The following RBFOX1 variants were observed in gnomAD, a reference collection of about 807,000 sequenced individuals.
The protein encoded by RBFOX1 is RNA binding protein fox-1 homolog 1.
Under a neutral mutation model 57.7 loss-of-function variants are expected in RBFOX1, and 8 were observed. That is an observed-to-expected ratio of 0.14 (90% confidence interval 0.08 to 0.25). The LOEUF is 0.25. RBFOX1 is among the 10% of genes least tolerant of loss of function. The probability of loss-of-function intolerance (pLI) is 1.00; values close to 1 mark genes in which losing one functional copy is unlikely to be tolerated. For synonymous variants in RBFOX1, 326 were observed against 222.4 expected, an observed-to-expected ratio of 1.47 and a Z score of -4.15; for missense variants, 611 against 548.5, an observed-to-expected ratio of 1.11 and a Z score of -1.14.
At chr16:5,958,695 G>C (rs2059693678) in intron 4 of RBFOX1, among the ~76,000 whole-genome samples, 1 of 152,196 alleles carries the variant, frequency 6.6e-6, no homozygotes, top group South Asian at 2.1e-4. Flanking sequence ...TCTAAATGCA[G>C]ACCTGTGGGG....
At chr16:6,001,365 A>G (rs965358787) in intron 4 of RBFOX1, among the ~76,000 whole-genome samples, 1 of 152,180 alleles carries the variant, frequency 6.6e-6, no homozygotes, top group African/African-American at 2.4e-5. Flanking sequence ...CAGTAAAGAA[A>G]CCACCAATGG....
At chr16:6,428,108 C>T (rs141710083) in intron 2 of RBFOX1, among the ~76,000 whole-genome samples, 5,583 of 151,800 alleles carry the variant, frequency 0.037, 363 homozygotes, top group African/African-American at 0.13. Flanking sequence ...CATAGTGAGA[C>T]CCCATCCCTA....
chr16:7,080,617 G>C (rs571483871), intron 4 of RBFOX1, among the ~76,000 whole-genome samples: 2 of 152,230 alleles, frequency 1.3e-5, no homozygotes, highest in East Asian at 3.9e-4. Flanking sequence ...CATGGTCCAT[G>C]TTCTCTTGGG....
intron 2 of RBFOX1, among the ~76,000 whole-genome samples, chr16:5,524,836 C>T (rs928094087): frequency 1.3e-5 from 2 of 152,108 alleles, no homozygotes; most frequent in Admixed American, 6.6e-5. Flanking sequence ...ACACCGCACC[C>T]GGCCCCTATT....
chr16:5,847,371 TG>T lies in RBFOX1; in HGVS notation c.319-19924del, dbSNP rs368600933. On this transcript the variant is annotated intron_variant, in intron 3 of 19. Transcript: ENST00000641259. ...CCTTATCTGAAAAAAAAAATGGGGG[TG>T]GGGGGGGAATCTTAAAATAGATCCT... Among the ~76,000 whole-genome samples, 191 of 128,838 alleles carry T rather than the reference TG, an allele frequency of 1.5e-3. 1 individual carries two copies. The highest frequency in any genetic ancestry group is 4.5e-3 in the Middle Eastern group (1 of 224). The allele number at this position is 128,838 out of a possible 152,430, so 84.5% of individuals were successfully genotyped here.
At chr16:6,793,524 T>G (rs2083364341) in intron 3 of RBFOX1, among the ~76,000 whole-genome samples, 1 of 152,158 alleles carries the variant, frequency 6.6e-6, no homozygotes, top group South Asian at 2.1e-4. Flanking sequence ...TTCCAAACAT[T>G]TCTAGGTCTT....
In RBFOX1 at chr16:6,317,007, A is replaced by G; in HGVS notation, c.-114A>G. The G allele has an allele frequency of 6.5e-7, 1 of 1,535,620 alleles. No homozygotes were observed. The highest frequency in any genetic ancestry group is 8.7e-7 in the Non-Finnish European group (1 of 1,146,520). On this transcript the variant is annotated 5_prime_UTR_variant, in exon 2 of 16. Transcript: ENST00000550418. ...TTTTCTTCTTTAGGAAACTGGTCAA[A>G]GAACTCATGCAAGTGGAACTTACAG...
At chr16:6,410,783 C>T (rs2093434911) in intron 2 of RBFOX1, among the ~76,000 whole-genome samples, 1 of 152,180 alleles carries the variant, frequency 6.6e-6, no homozygotes, top group Non-Finnish European at 1.5e-5. Flanking sequence ...GTGGAACATG[C>T]TGTGTAGGCT....
rs115365968 is a variant in RBFOX1, at chr16:7,325,770, A to G, written c.28-192377A>G. ...TTGTGACTTGGGTGTCACATTGACA[A>G]CCCTTTTGTAGCCATCCTCTCCTTC... On this transcript the variant is annotated intron_variant, in intron 4 of 15. Coordinates refer to ENST00000550418, the MANE Select transcript of RBFOX1 (RefSeq NM_018723.4). Among the ~76,000 whole-genome samples the G allele has an allele frequency of 6.5e-3, 986 of 152,106 alleles. 10 individuals carry two copies. In the Middle Eastern group the frequency reaches 0.071, roughly 11 times the overall value.
intron 1 of RBFOX1, among the ~76,000 whole-genome samples, chr16:6,286,824 A>G (rs1287035055): frequency 6.6e-6 from 1 of 152,124 alleles, no homozygotes; most frequent in Non-Finnish European, 1.5e-5. Flanking sequence ...ATCCTAAATA[A>G]TATTATTTAT....
intron 3 of RBFOX1, among the ~76,000 whole-genome samples, chr16:6,969,049 G>T (rs534208205): frequency 6.6e-6 from 1 of 152,060 alleles, no homozygotes; most frequent in Non-Finnish European, 1.5e-5. Context: ...AGTTAATACA[G>T]TTCCCATCCG....
chr16:5,744,395 G>C (rs887173868), intron 3 of RBFOX1, among the ~76,000 whole-genome samples: 1 of 152,154 alleles, frequency 6.6e-6, no homozygotes, highest in African/African-American at 2.4e-5. Context: ...CAGGGACAAA[G>C]TAACTTTAGA....
At chr16:5,866,195 C>G (rs2151895059) in intron 3 of RBFOX1, among the ~76,000 whole-genome samples, 1 of 152,274 alleles carries the variant, frequency 6.6e-6, no homozygotes, top group Non-Finnish European at 1.5e-5. Context: ...TCTCGAACTC[C>G]TGACCTCACA....
At chr16:6,707,399 G>A (rs924304187) in intron 3 of RBFOX1, among the ~76,000 whole-genome samples, 4 of 150,602 alleles carry the variant, frequency 2.7e-5, no homozygotes, top group African/African-American at 4.9e-5. Flanking sequence ...GAAATCATAC[G>A]TTAACAGCTC....
At chr16:6,304,743 G>C (rs1456412445) in intron 1 of RBFOX1, among the ~76,000 whole-genome samples, 1 of 151,882 alleles carries the variant, frequency 6.6e-6, no homozygotes, top group Non-Finnish European at 1.5e-5. Context: ...AAACTAGCCA[G>C]GTGCGGTGGT....
At chr16:6,862,075 A>T (rs919339031) in intron 3 of RBFOX1, among the ~76,000 whole-genome samples, 5 of 152,132 alleles carry the variant, frequency 3.3e-5, no homozygotes, top group Admixed American at 3.3e-4. Flanking sequence ...ACTGATTTCG[A>T]TGAGAAGATG....
At chr16:6,877,975 G>C (rs1345004193) in intron 3 of RBFOX1, among the ~76,000 whole-genome samples, 2 of 152,122 alleles carry the variant, frequency 1.3e-5, no homozygotes, top group African/African-American at 4.8e-5. Flanking sequence ...AAGGGTTTCA[G>C]AGAGCCGAGT....
intron 1 of RBFOX1, among the ~76,000 whole-genome samples, chr16:5,390,240 T>C (rs1331724799): frequency 6.6e-6 from 1 of 151,898 alleles, no homozygotes; most frequent in South Asian, 2.1e-4. Flanking sequence ...TTATAAAATA[T>C]ATATGTATGT....
chr16:6,653,624 G>T (rs1260217955), intron 2 of RBFOX1, among the ~76,000 whole-genome samples: 1 of 152,096 alleles, frequency 6.6e-6, no homozygotes, highest in Non-Finnish European at 1.5e-5. Context: ...TAGATGGATG[G>T]GTGGATGGAT....
Sources: gnomAD v4.1 joint callset for allele counts (sites outside exome capture counted in the v4.1 genomes callset) on GRCh38, gnomAD v4.1.1 for gene constraint, MANE v1.5 for transcripts, NCBI Gene and HGNC (gene_info 2026-07-23, HGNC 2026-07-21) for gene names.